Variants in COL16A1 observed in about 807,000 individuals in gnomAD.
COL16A1 encodes collagen alpha-1(XVI) chain.
In COL16A1, 189 loss-of-function variants were observed where a neutral mutation model predicts 266.3. The observed-to-expected ratio is 0.71, with a 90% CI of 0.63 to 0.80. COL16A1 has a LOEUF of 0.80. COL16A1 is among the 30% of genes least tolerant of loss of function. The pLI is 0.00. For synonymous variants in COL16A1, 740 were observed against 782.3 expected, an observed-to-expected ratio of 0.95 and a Z score of 0.90; for missense variants, 1,928 against 2,122.4, an observed-to-expected ratio of 0.91 and a Z score of 1.80.
rs1276509710 is a variant in COL16A1, at chr1:31,668,932, C to T, written c.3196-77G>A. ...CCCCTGACTCCTTCCCCCTGCCCCACTGCCTTCTGTTCCCACTCCAGGCAA... is the reference window on the plus strand; with the variant it reads ...CCCCTGACTCCTTCCCCCTGCCCCATTGCCTTCTGTTCCCACTCCAGGCAA... On this transcript the variant is annotated intron_variant, in intron 49 of 70. Transcript: ENST00000373672. This position sits in a 1 kb window ranked among gnomAD's most constrained non-coding sequence, Gnocchi z 5.8. 8.9e-6 allele frequency: 12 copies of T among 1,348,638 alleles called. No homozygotes were observed. The African/African-American group carries it at 1.4e-4, about 16-fold the overall frequency. The allele number at this position is 1,348,638 out of a possible 1,614,324, so 83.5% of individuals were successfully genotyped here. A position where few individuals can be genotyped will look rare whatever the true frequency, so the allele number is the denominator to read the frequency against.
chr1:31,667,741 C>T, intron 51 of COL16A1, 113 bp from the exon 52 acceptor site: 1 of 1,057,892 alleles, frequency 9.5e-7, no homozygotes, highest in East Asian at 2.6e-5. Context: ...GGGGGAATGG[C>T]ACTGGGAGGA....
chr1:31,655,266 T>G (rs1641024115), intron 67 of COL16A1, 48 bp downstream of exon 67: 2 of 1,574,880 alleles, frequency 1.3e-6, no homozygotes, highest in Non-Finnish European at 1.7e-6. Flanking sequence ...CCACCCCACA[T>G]GCCTGCTCTA....
At position 31,688,915 on chromosome 1, in the gene COL16A1, G is replaced by C. The variant is rs776440239; in HGVS notation, c.1713C>G (p.Ser571=). 1.2e-6 allele frequency: 2 copies of C among 1,614,130 alleles called. No individual in the cohort carries two copies. The highest frequency in any genetic ancestry group is 1.7e-6 in the Non-Finnish European group (2 of 1,180,000). ...SVVGAQHLVS[S]TGASGDVGSP... Reference sequence around the variant, plus strand: ...AACCCACATCTCCACTGGCCCCTGTGGAGGACACAAGATGCTGGGCCCCTA... The same window carrying C: ...AACCCACATCTCCACTGGCCCCTGTCGAGGACACAAGATGCTGGGCCCCTA... The change falls in exon 25 of 71, where the codon TCC becomes TCG. Residue 571 remains serine, a synonymous_variant. Transcript: ENST00000373672. This position sits in a 1 kb window ranked among gnomAD's most constrained non-coding sequence, Gnocchi z 4.9.
Position 31,688,421 on chromosome 1 carries a change from C to G in COL16A1, c.1803+46G>C. 1 of 1,611,538 alleles carries G rather than the reference C, an allele frequency of 6.2e-7. No individual in the cohort carries two copies. On this transcript the variant is annotated intron_variant, in intron 26 of 70. Coordinates refer to ENST00000373672, the MANE Select transcript of COL16A1 (RefSeq NM_001856.4). The surrounding 1 kb of genome is among the most constrained non-coding windows in gnomAD (Gnocchi z 4.9). ...GCCCGCACCACTCCTCCCCTGCCTG[C>G]CTGCCAAGAAACTCCAGTGTCCCTG...
At chr1:31,681,708 A>G (rs74063955) in intron 37 of COL16A1, among the ~76,000 whole-genome samples, 5 of 152,338 alleles carry the variant, frequency 3.3e-5, no homozygotes, top group African/African-American at 1.2e-4. Flanking sequence ...AGGCCAGGAG[A>G]AGCCAGCCTG....
rs1469143245 is a variant in COL16A1, at chr1:31,675,277, G to A, written c.2807C>T (p.Pro936Leu). Reference protein sequence around the residue: ...VPGNNGLPGQPGLTAELGSLP... With the variant: ...VPGNNGLPGQLGLTAELGSLP... ...ACCCACCAGTTCTGCAGTGAGCCCA[G>A]GCTGTCCTGGCAAACCGTTGTTTCC... The change falls in exon 43 of 71, where the codon CCT becomes CTT. Residue 936 changes from proline to leucine, a missense_variant. This residue lies in a region of COL16A1 where 1,552 missense variants were observed against 1,637.2 expected (regional missense o/e 0.95). Transcript: ENST00000373672. 1 of 1,614,070 alleles carries A rather than the reference G, an allele frequency of 6.2e-7. No individual in the cohort carries two copies. The highest frequency in any genetic ancestry group is 1.1e-5 in the South Asian group (1 of 91,070).
At chr1:31,691,961 C>A in intron 17 of COL16A1, 44 bp downstream of exon 17, 1 of 1,613,116 alleles carries the variant, frequency 6.2e-7, no homozygotes, top group Non-Finnish European at 8.5e-7. Context: ...CATTCTCAGA[C>A]CCCGTGCTGT....
intron 44 of COL16A1, 65 bp downstream of exon 44, chr1:31,674,942 A>G (rs1045747993): frequency 1.3e-6 from 2 of 1,591,132 alleles, no homozygotes; most frequent in Non-Finnish European, 8.6e-7. Context: ...CTGAGCACTT[A>G]CTAAGAGAAT....
At position 31,655,450 on chromosome 1, in the gene COL16A1, G is replaced by A. The variant is rs772276743; in HGVS notation, c.4154C>T (p.Ala1385Val). 5.0e-6 allele frequency: 8 copies of A among 1,614,030 alleles called. No individual in the cohort carries two copies. In the African/African-American group the frequency reaches 1.1e-4, roughly 22 times the overall value. ...CTTGCCAGGTCCACCAGGCATGCCG[G>A]CTCTCCCCTTCTCTCCTGCCTGGCC... ...QKGQAGEKGR[A>V]GMPGGPGKSG... is the part of the protein sequence containing the mutation. The change falls in exon 67 of 71, where the codon GCC becomes GTC. Residue 1385 changes from alanine to valine, a missense_variant. Ala to Val is a moderately conservative substitution (Grantham distance 64). This residue lies in a region of COL16A1 where 376 missense variants were observed against 485.2 expected (regional missense o/e 0.77). Transcript: ENST00000373672.
intron 23 of COL16A1, 90 bp from the exon 24 acceptor site, chr1:31,689,175 C>A (rs1197267699): frequency 3.8e-6 from 6 of 1,595,934 alleles, no homozygotes; most frequent in Non-Finnish European, 5.1e-6. Flanking sequence ...CAATGTCACA[C>A]ACGCAAACCG....
At chr1:31,683,838 G>A (rs1489814969) in intron 33 of COL16A1, 90 bp from the exon 34 acceptor site, 2 of 1,606,170 alleles carry the variant, frequency 1.2e-6, no homozygotes, top group Non-Finnish European at 1.7e-6. Flanking sequence ...GCTTCTTCCT[G>A]CCCTGCACCC....
At position 31,684,587 on chromosome 1, in the gene COL16A1, G is replaced by A. The variant is rs753580585; in HGVS notation, c.2096C>T (p.Thr699Ile). The A allele has an allele frequency of 6.2e-7, 1 of 1,613,940 alleles. No individual in the cohort carries two copies. Among genetic ancestry groups the A allele is most frequent in the South Asian group, 1.1e-5 (1 of 91,078 alleles). ...CTCTCCTGACAGTCCTGGCCGCCCT[G>A]TGGTGCCCGGCGTTCCAGGGTCTCC... ...NPGDPGTPGTTGRPGLSGEPG... is the reference protein window; with the variant it reads ...NPGDPGTPGTIGRPGLSGEPG... Residue 699 changes from threonine (T) to isoleucine (I), a missense_variant, in exon 31 of 71, where the codon ACA becomes ATA. Transcript: ENST00000373672.
chr1:31,654,195 C>T (rs1163695447), intron 68 of COL16A1, 152 bp from the exon 69 acceptor site: 2 of 1,151,562 alleles, frequency 1.7e-6, no homozygotes, highest in Non-Finnish European at 2.4e-6. Context: ...GTGGGTCTCG[C>T]AAGGGGGTTC....
chr1:31,658,381 C>T (rs1326480727), intron 64 of COL16A1, 107 bp downstream of exon 64: 10 of 966,828 alleles, frequency 1.0e-5, no homozygotes, highest in Non-Finnish European at 1.1e-5. Flanking sequence ...GCCATGCTGA[C>T]AGCCTCTCCT....
chr1:31,684,543 C>G lies in COL16A1; in HGVS notation c.2140G>C (p.Ala714Pro). 6.2e-7 allele frequency: 1 copy of G among 1,613,430 alleles called. No individual in the cohort carries two copies. The highest frequency in any genetic ancestry group is 1.7e-4 in the Middle Eastern group (1 of 6,018). The change falls in exon 31 of 71, where the codon GCG becomes CCG. Residue 714 changes from alanine (A) to proline (P), a missense_variant. Physicochemically the swap from Ala to Pro is conservative, Grantham distance 27. This residue lies in a region of COL16A1 where 1,552 missense variants were observed against 1,637.2 expected (regional missense o/e 0.95). Coordinates refer to ENST00000373672, the MANE Select transcript of COL16A1 (RefSeq NM_001856.4). ...CTAACCTTTTCTCCTTTTGGCCCCG[C>G]GGGGCCCTGAACTCCAGGCTCTCCT... ...LSGEPGVQGP[A>P]GPKGEKGDGC...
intron 70 of COL16A1, chr1:31,653,361 C>G: frequency 2.2e-6 from 1 of 464,228 alleles, no homozygotes. Context: ...CTCCATGCAG[C>G]TCTCTCCTAC....
intron 42 of COL16A1, among the ~76,000 whole-genome samples, chr1:31,675,786 G>A (rs1167235949): frequency 6.6e-6 from 1 of 152,054 alleles, no homozygotes; most frequent in Non-Finnish European, 1.5e-5. Flanking sequence ...TCAGCCTCCT[G>A]AGTAGCTGGG....
chr1:31,665,655 C>T lies in COL16A1; in HGVS notation c.3457-37G>A. The T allele has an allele frequency of 3.1e-6, 5 of 1,608,696 alleles. No individual in the cohort carries two copies. The Admixed American group carries it at 5.0e-5, about 16-fold the overall frequency. On this transcript the variant is annotated intron_variant, in intron 54 of 70. Coordinates refer to ENST00000373672, the MANE Select transcript of COL16A1 (RefSeq NM_001856.4). ...AGCAAGGGGCAGTGTGCTGTGCCAC[C>T]CCCTCTCTCCTGCCTGGCTGCCCAG...
intron 42 of COL16A1, among the ~76,000 whole-genome samples, chr1:31,678,755 G>A (rs1350693981): frequency 3.3e-5 from 5 of 152,132 alleles, no homozygotes; most frequent in African/African-American, 4.8e-5. Context: ...TGAGTTAGGC[G>A]CACTTAGCAG....
Sources: allele counts gnomAD v4.1 joint callset (sites outside exome capture counted in the v4.1 genomes callset), GRCh38; gene constraint gnomAD v4.1.1; regional missense constraint gnomAD v4.1.1; non-coding constraint Gnocchi (gnomAD v3.1); transcripts MANE v1.5; gene names NCBI Gene and HGNC (gene_info 2026-07-23, HGNC 2026-07-21).